Variants in PTPRD observed in about 807,000 individuals in gnomAD.
PTPRD encodes the protein protein tyrosine phosphatase receptor type D.
Under a neutral mutation model 214.5 loss-of-function variants are expected in PTPRD, and 34 were observed. The observed-to-expected ratio is 0.16, with a 90% CI of 0.12 to 0.21. The LOEUF (loss-of-function observed/expected upper bound fraction) is 0.21, where lower values mean the gene tolerates loss of function less well. PTPRD is among the 10% of genes least tolerant of loss of function. The pLI is 1.00. For missense variants in PTPRD, 2,545 were observed against 2,398.7 expected (o/e 1.06, Z -1.27); for synonymous variants, 1,128 against 845.7 (o/e 1.33, Z -5.79).
intron 8 of PTPRD, among the ~76,000 whole-genome samples, chr9:9,560,047 T>C (rs2082512615): frequency 6.6e-6 from 1 of 152,210 alleles, no homozygotes; most frequent in African/African-American, 2.4e-5. Flanking sequence ...GCCAGTTCTC[T>C]TACCAAACAG....
At position 9,686,303 on chromosome 9, in the gene PTPRD, C is replaced by A. The variant is rs895300603; in HGVS notation, c.-287+48230G>T. Among the ~76,000 whole-genome samples, 5 of 151,222 alleles carry A rather than the reference C, an allele frequency of 3.3e-5. No individual in the cohort carries two copies. The East Asian group carries it at 7.8e-4, about 24-fold the overall frequency. On this transcript the variant is annotated intron_variant, in intron 7 of 45. Transcript: ENST00000381196. The stretch of plus-strand genomic sequence containing the variant: ...GAGATGTATGTATGAATTATTTTTT[C>A]TAAAAATTCTATATTTAAACTCATT...
intron 8 of PTPRD, among the ~76,000 whole-genome samples, chr9:9,528,943 T>C (rs1051295796): frequency 6.7e-6 from 1 of 150,200 alleles, no homozygotes; most frequent in African/African-American, 2.4e-5. Flanking sequence ...TGTTTCTTTT[T>C]TTTTTTTTTT....
chr9:8,939,190 T>C (rs189089137), intron 11 of PTPRD, among the ~76,000 whole-genome samples: 6 of 152,306 alleles, frequency 3.9e-5, no homozygotes, highest in Admixed American at 3.3e-4. Context: ...TTATTGCCAC[T>C]GAAACTCTTT....
At chr9:10,133,443 T>C (rs1406876916) in intron 3 of PTPRD, among the ~76,000 whole-genome samples, 1 of 152,100 alleles carries the variant, frequency 6.6e-6, no homozygotes, top group Non-Finnish European at 1.5e-5. Flanking sequence ...ACAAAGCAGA[T>C]ACATATATGA....
intron 9 of PTPRD, among the ~76,000 whole-genome samples, chr9:9,391,865 AT>A (rs1569567931): frequency 6.6e-6 from 1 of 152,140 alleles, no homozygotes; most frequent in African/African-American, 2.4e-5. Flanking sequence ...CTGCCTTCTT[AT>A]TTGGAATGTA....
In PTPRD at chr9:8,442,110, C is replaced by G. The variant is rs531885434; in HGVS notation, c.3989-5421G>C. Among the ~76,000 whole-genome samples, 14 of 152,258 alleles carry G rather than the reference C, an allele frequency of 9.2e-5. 1 individual carries two copies. Among genetic ancestry groups the G allele is most frequent in the African/African-American group, 3.1e-4 (13 of 41,546 alleles). On this transcript the variant is annotated intron_variant, in intron 34 of 45. Coordinates refer to ENST00000381196, the MANE Select transcript of PTPRD (RefSeq NM_002839.4). ...GATGCAAAAACACGTCTGTATTTTC[C>G]AGTTATTTCTTGCCAAAATATCCTA...
chr9:9,058,156 A>C (rs2099699760), intron 10 of PTPRD, among the ~76,000 whole-genome samples: 1 of 152,130 alleles, frequency 6.6e-6, no homozygotes, highest in African/African-American at 2.4e-5. Context: ...TTGAAGACAG[A>C]ATATAAAGAG....
intron 11 of PTPRD, among the ~76,000 whole-genome samples, chr9:8,853,737 T>C (rs1373213845): frequency 6.6e-6 from 1 of 152,230 alleles, no homozygotes; most frequent in Non-Finnish European, 1.5e-5. Flanking sequence ...AACTCTTCTC[T>C]TTGCTCTTTC....
At chr9:9,964,324 T>C (rs2094547877) in intron 4 of PTPRD, among the ~76,000 whole-genome samples, 1 of 152,214 alleles carries the variant, frequency 6.6e-6, no homozygotes, top group African/African-American at 2.4e-5. Context: ...TACTTTAAAA[T>C]GCATGATGTA....
At chr9:9,810,175 A>G (rs1235343305) in intron 5 of PTPRD, among the ~76,000 whole-genome samples, 1 of 146,212 alleles carries the variant, frequency 6.8e-6, no homozygotes, top group African/African-American at 2.6e-5. Flanking sequence ...CTTCCACACG[A>G]TAGTTTTAAG....
At chr9:9,141,638 G>A (rs1298267629) in intron 10 of PTPRD, among the ~76,000 whole-genome samples, 1 of 151,194 alleles carries the variant, frequency 6.6e-6, no homozygotes, top group Non-Finnish European at 1.5e-5. Context: ...CATGAAGAAT[G>A]AAGAATCCCT....
At chr9:10,593,700 A>G (rs2133037681) in intron 2 of PTPRD, among the ~76,000 whole-genome samples, 1 of 152,140 alleles carries the variant, frequency 6.6e-6, no homozygotes, top group East Asian at 1.9e-4. Flanking sequence ...ATTTTGGCAG[A>G]CAACATTTTT....
intron 3 of PTPRD, among the ~76,000 whole-genome samples, chr9:10,094,445 A>G (rs981662398): frequency 6.6e-6 from 1 of 151,046 alleles, no homozygotes; most frequent in Non-Finnish European, 1.5e-5. Context: ...CTAAACAATC[A>G]TTTATGTCTT....
chr9:10,464,388 AAGAGAGAGAGAGAGATAGAGAGACAG>A (rs1566232804), intron 2 of PTPRD, among the ~76,000 whole-genome samples: 1 of 148,576 alleles, frequency 6.7e-6, no homozygotes, highest in Admixed American at 6.9e-5. Context: ...GAAAGAGAGA[AAGAGAGAGAGAGAGATAGAGAGACAG>A]AGAGAGAGAG....
At chr9:9,331,155 T>C (rs2042165778) in intron 9 of PTPRD, among the ~76,000 whole-genome samples, 1 of 152,066 alleles carries the variant, frequency 6.6e-6, no homozygotes, top group Non-Finnish European at 1.5e-5. Context: ...TGCCATGTGA[T>C]AATGCTTAAC....
intron 9 of PTPRD, among the ~76,000 whole-genome samples, chr9:9,200,061 G>T (rs1451235348): frequency 6.6e-6 from 1 of 152,168 alleles, no homozygotes; most frequent in East Asian, 1.9e-4. Context: ...GACTAGTCAG[G>T]GCATGGTTGA....
intron 7 of PTPRD, among the ~76,000 whole-genome samples, chr9:9,630,197 G>A (rs1296436942): frequency 1.3e-5 from 2 of 152,216 alleles, no homozygotes; most frequent in African/African-American, 4.8e-5. Flanking sequence ...AGCTTGCTGA[G>A]TGAAGATAAG....
intron 10 of PTPRD, among the ~76,000 whole-genome samples, chr9:9,092,601 T>A (rs1399125945): frequency 2.0e-5 from 3 of 152,084 alleles, no homozygotes; most frequent in African/African-American, 7.2e-5. Flanking sequence ...TATTCACTTA[T>A]AACACATGAA....
chr9:9,525,524 T>C (rs1282656089), intron 8 of PTPRD, among the ~76,000 whole-genome samples: 1 of 152,154 alleles, frequency 6.6e-6, no homozygotes, highest in Non-Finnish European at 1.5e-5. Flanking sequence ...TGTGTTTTTC[T>C]CTATTGAGAG....
Sources: allele counts gnomAD v4.1 joint callset (sites outside exome capture counted in the v4.1 genomes callset), GRCh38; gene constraint gnomAD v4.1.1; transcripts MANE v1.5; gene names NCBI Gene and HGNC (gene_info 2026-07-23, HGNC 2026-07-21).